NALF1: variants seen among roughly 807,000 people sequenced by gnomAD.
NALF1 encodes the protein NALCN channel auxiliary factor 1.
NALF1 carries 3 observed loss-of-function variants against 48.4 expected under a neutral mutation model. The observed-to-expected ratio is 0.06, with a 90% CI of 0.03 to 0.16. NALF1 has a LOEUF of 0.16. Ranked by LOEUF, NALF1 falls within the 10% of genes least tolerant of loss-of-function variation. The pLI, the probability that NALF1 is intolerant of heterozygous loss-of-function variation, is 1.00. For synonymous variants in NALF1, 262 were observed against 245.7 expected (o/e 1.07, Z -0.62); for missense variants, 526 against 571.5 (o/e 0.92, Z 0.81).
intron 1 of NALF1, among the ~76,000 whole-genome samples, chr13:107,557,709 G>A (rs971713083): frequency 2.0e-5 from 3 of 152,014 alleles, no homozygotes; most frequent in South Asian, 4.1e-4. Flanking sequence ...AGAAAGTTTC[G>A]GTGGTTTACC....
intron 1 of NALF1, among the ~76,000 whole-genome samples, chr13:107,693,405 G>T (rs995887824): frequency 1.3e-5 from 2 of 151,926 alleles, no homozygotes; most frequent in Non-Finnish European, 2.9e-5. Context: ...ACACCAACAT[G>T]GCGCATGTAT....
At chr13:107,686,300 G>A (rs1049616253) in intron 1 of NALF1, among the ~76,000 whole-genome samples, 1 of 152,186 alleles carries the variant, frequency 6.6e-6, no homozygotes, top group Non-Finnish European at 1.5e-5. Context: ...TCACATGATT[G>A]AAAGTCTCTG....
intron 1 of NALF1, among the ~76,000 whole-genome samples, chr13:107,848,312 T>C (rs1880223773): frequency 6.6e-6 from 1 of 152,218 alleles, no homozygotes; most frequent in Non-Finnish European, 1.5e-5. Flanking sequence ...AATATACGCA[T>C]GAAAATGTAA....
intron 1 of NALF1, among the ~76,000 whole-genome samples, chr13:107,599,350 AG>A (rs1160214423): frequency 6.7e-6 from 1 of 149,736 alleles, no homozygotes; most frequent in African/African-American, 2.5e-5. Flanking sequence ...TGAACCTGGG[AG>A]GCGGAGCTTG....
chr13:107,708,244 T>C (rs1196430452), intron 1 of NALF1, among the ~76,000 whole-genome samples: 2 of 152,172 alleles, frequency 1.3e-5, no homozygotes, highest in African/African-American at 4.8e-5. Flanking sequence ...GAATGATCCT[T>C]ATTTAGAAAC....
chr13:107,717,332 T>C (rs933642277), intron 1 of NALF1, among the ~76,000 whole-genome samples: 17 of 152,192 alleles, frequency 1.1e-4, no homozygotes, highest in Non-Finnish European at 2.9e-5. Flanking sequence ...GTATCACGTA[T>C]GGACATATCA....
At chr13:107,812,786 A>AT (rs1053345695) in intron 1 of NALF1, among the ~76,000 whole-genome samples, 3 of 151,374 alleles carry the variant, frequency 2.0e-5, no homozygotes, top group Non-Finnish European at 4.4e-5. Flanking sequence ...GTTGTTTTTC[A>AT]TTTTTTTTGT....
chr13:107,721,098 T>G, intron 1 of NALF1, among the ~76,000 whole-genome samples: 1 of 137,720 alleles, frequency 7.3e-6, no homozygotes, highest in East Asian at 2.1e-4. Context: ...CTAGTTGTCA[T>G]CAGATCTCAA....
At chr13:107,724,145 C>A (rs1206185101) in intron 1 of NALF1, among the ~76,000 whole-genome samples, 1 of 152,078 alleles carries the variant, frequency 6.6e-6, no homozygotes, top group African/African-American at 2.4e-5. Flanking sequence ...AATGAATAAA[C>A]TGAAGACTAT....
At chr13:107,349,077 G>A (rs74347525) in intron 1 of NALF1, among the ~76,000 whole-genome samples, 3,105 of 152,310 alleles carry the variant, frequency 0.02, 46 homozygotes, top group African/African-American at 0.04. Context: ...CATATACAGA[G>A]CATTTGGCAT....
chr13:107,710,784 TATAC>T (rs1566452879), intron 1 of NALF1, among the ~76,000 whole-genome samples: 1 of 141,222 alleles, frequency 7.1e-6, no homozygotes, highest in South Asian at 2.2e-4. Flanking sequence ...TATGTGTGTA[TATAC>T]ACATATATGT....
chr13:107,227,889 A>C (rs1003362160), intron 1 of NALF1, among the ~76,000 whole-genome samples: 4 of 152,254 alleles, frequency 2.6e-5, no homozygotes, highest in Non-Finnish European at 4.4e-5. Flanking sequence ...AATATAATCA[A>C]GTCTAACAAG....
chr13:107,520,874 G>T (rs1876214770), intron 1 of NALF1, among the ~76,000 whole-genome samples: 1 of 152,092 alleles, frequency 6.6e-6, no homozygotes, highest in South Asian at 2.1e-4. Flanking sequence ...AGAGCTGAAA[G>T]AATATGACCT....
At chr13:107,431,074 GT>G (rs1884373431) in intron 1 of NALF1, among the ~76,000 whole-genome samples, 1 of 152,020 alleles carries the variant, frequency 6.6e-6, no homozygotes, top group Non-Finnish European at 1.5e-5. Context: ...TTTTTCGTGT[GT>G]TTTTTGGTTG....
intron 1 of NALF1, among the ~76,000 whole-genome samples, chr13:107,418,115 C>G (rs1179297347): frequency 4.6e-5 from 7 of 152,148 alleles, no homozygotes; most frequent in Admixed American, 4.6e-4. Flanking sequence ...AGACATTTTT[C>G]TATTCACAGT....
rs190024607 is a variant in NALF1, at chr13:107,507,842, T to C, written c.916-297087A>G. Among the ~76,000 whole-genome samples the C allele has an allele frequency of 1.8e-3, 269 of 152,238 alleles. 1 individual carries two copies. The highest frequency in any genetic ancestry group is 1.9e-3 in the Non-Finnish European group (127 of 68,014). On this transcript the variant is annotated intron_variant, in intron 1 of 2. Coordinates refer to ENST00000375915, the MANE Select transcript of NALF1 (RefSeq NM_001080396.3). ...AAAAATAAGCTTAGAAATCTCGAAC[T>C]GCATTAAGTAGAAGACTAAATGTTG...
At chr13:107,235,402 T>C (rs568295880) in intron 1 of NALF1, among the ~76,000 whole-genome samples, 1 of 152,260 alleles carries the variant, frequency 6.6e-6, no homozygotes, top group African/African-American at 2.4e-5. Flanking sequence ...AGTTATCCCT[T>C]GATATACACA....
intron 1 of NALF1, among the ~76,000 whole-genome samples, chr13:107,214,680 A>G (rs994419693): frequency 3.3e-5 from 5 of 152,118 alleles, no homozygotes; most frequent in Non-Finnish European, 7.3e-5. Context: ...GAAATGACTT[A>G]TTGACTGTCA....
Position 107,698,663 on chromosome 13 carries a change from T to C in NALF1, c.915+167019A>G, listed in dbSNP as rs999039390. ...AAATATCATTCTCTGAGATCAAGAC[T>C]ACAAATTGACTCCAATTTGTTCATA... is the stretch of plus-strand genomic sequence containing the variant. On this transcript the variant is annotated intron_variant, in intron 1 of 2. Coordinates refer to ENST00000375915, the MANE Select transcript of NALF1 (RefSeq NM_001080396.3). Among the ~76,000 whole-genome samples the C allele has an allele frequency of 4.6e-5, 7 of 152,170 alleles. No individual in the cohort carries two copies. In the South Asian group the frequency reaches 1.2e-3, roughly 27 times the overall value.
Sources: allele counts gnomAD v4.1 joint callset (sites outside exome capture counted in the v4.1 genomes callset), GRCh38; gene constraint gnomAD v4.1.1; transcripts MANE v1.5; gene names NCBI Gene and HGNC (gene_info 2026-07-23, HGNC 2026-07-21).